The following DLGAP3 variants were observed in gnomAD, a reference collection of about 807,000 sequenced individuals.
DLGAP3 encodes the protein disks large-associated protein 3.
A neutral mutation model predicts 81.2 loss-of-function variants in DLGAP3; 17 were observed. The ratio of observed to expected loss-of-function variants is 0.21; its 90% CI spans 0.14 to 0.31. DLGAP3 has a LOEUF of 0.31. Among genes scored for constraint, DLGAP3 ranks in the 10% least tolerant of loss-of-function variants. The probability of loss-of-function intolerance (pLI) is 1.00; values close to 1 mark genes in which losing one functional copy is unlikely to be tolerated. For missense variants in DLGAP3, 1,124 were observed against 1,388.0 expected, an observed-to-expected ratio of 0.81 and a Z score of 3.02; for synonymous variants, 577 against 587.4, an observed-to-expected ratio of 0.98 and a Z score of 0.26.
intron 8 of DLGAP3, among the ~76,000 whole-genome samples, chr1:34,881,790 T>C (rs1287309811): frequency 1.3e-5 from 2 of 152,170 alleles, no homozygotes; most frequent in Non-Finnish European, 2.9e-5. Context: ...TCTATGATCA[T>C]CTAAATAGAT....
At position 34,885,760 on chromosome 1, in the gene DLGAP3, G is replaced by A; in HGVS notation, c.1632C>T (p.Ile544=). 7.1e-7 allele frequency: 1 copy of A among 1,414,046 alleles called. No individual in the cohort carries two copies. The highest frequency in any genetic ancestry group is 9.2e-7 in the Non-Finnish European group (1 of 1,092,726). 87.6% of individuals were successfully genotyped at this position (1,414,046 alleles called of 1,614,324 possible). A position where few individuals can be genotyped will look rare whatever the true frequency, so the allele number is the denominator to read the frequency against. ...GGGGCGGGGCCTGGCTTCCCGGCGGGATGGGGGGCGGGGCCTTTCTGAAGT... is the reference window on the plus strand; with the variant it reads ...GGGGCGGGGCCTGGCTTCCCGGCGGAATGGGGGGCGGGGCCTTTCTGAAGT... ...SFNFRKAPPP[I]PPGSQAPPRI... is the part of the protein sequence containing the mutation. The change falls in exon 7 of 12, where the codon ATC becomes ATT. Residue 544 remains isoleucine (I), a synonymous_variant. Coordinates refer to ENST00000373347, the MANE Select transcript of DLGAP3 (RefSeq NM_001080418.3).
At chr1:34,921,754 T>C (rs954183586) in intron 1 of DLGAP3, among the ~76,000 whole-genome samples, 8 of 152,174 alleles carry the variant, frequency 5.3e-5, no homozygotes, top group Non-Finnish European at 1.2e-4. Context: ...TATATGGCCA[T>C]AGGTTGTAAT....
At chr1:34,871,580 TAG>T (rs780324164) in intron 8 of DLGAP3, among the ~76,000 whole-genome samples, 22 of 152,216 alleles carry the variant, frequency 1.4e-4, no homozygotes, top group Non-Finnish European at 2.9e-4. Context: ...CTTTGTGCTC[TAG>T]TTAGCTTGTG....
chr1:34,866,034 T>C lies in DLGAP3; in HGVS notation c.*49A>G. ...AGTGACCTCGACGCTGGGTGTACAG[T>C]ACGGGTGGAGAACCGCGGGCCCGGG... On this transcript the variant is annotated 3_prime_UTR_variant, in exon 12 of 12. Transcript: ENST00000373347. The C allele has an allele frequency of 6.7e-7, 1 of 1,501,096 alleles. No homozygotes were observed. The highest frequency in any genetic ancestry group is 9.1e-7 in the Non-Finnish European group (1 of 1,104,770). The allele number at this position is 1,501,096 out of a possible 1,614,324, so 93.0% of individuals were successfully genotyped here. A position where few individuals can be genotyped will look rare whatever the true frequency, so the allele number is the denominator to read the frequency against.
At chr1:34,928,208 C>G (rs976516929) in intron 1 of DLGAP3, among the ~76,000 whole-genome samples, 5 of 152,036 alleles carry the variant, frequency 3.3e-5, no homozygotes, top group African/African-American at 9.7e-5. Flanking sequence ...TGGACTGAAC[C>G]AATAACCCAG....
intron 5 of DLGAP3, among the ~76,000 whole-genome samples, chr1:34,891,415 C>A (rs1276973386): frequency 6.6e-6 from 1 of 152,168 alleles, no homozygotes; most frequent in African/African-American, 2.4e-5. Context: ...TTGGGCCAAA[C>A]AATGGACTGG....
chr1:34,899,985 T>G, intron 4 of DLGAP3, 83 bp downstream of exon 4: 1 of 1,244,072 alleles, frequency 8.0e-7, no homozygotes, highest in East Asian at 2.5e-5. Flanking sequence ...ACTACCTGAC[T>G]GGCACCCACT....
intron 1 of DLGAP3, among the ~76,000 whole-genome samples, chr1:34,921,725 G>T (rs1236062675): frequency 6.6e-6 from 1 of 152,224 alleles, no homozygotes; most frequent in Non-Finnish European, 1.5e-5. Context: ...TGTTAACCCA[G>T]ATGAGTGAGA....
intron 5 of DLGAP3, among the ~76,000 whole-genome samples, chr1:34,891,854 T>G (rs1257840973): frequency 1.3e-5 from 2 of 152,212 alleles, no homozygotes; most frequent in Admixed American, 1.3e-4. Context: ...AGAGGCCACA[T>G]GTTGTAGGGA....
At chr1:34,892,459 G>A (rs1251048827) in intron 5 of DLGAP3, among the ~76,000 whole-genome samples, 1 of 152,164 alleles carries the variant, frequency 6.6e-6, no homozygotes, top group Non-Finnish European at 1.5e-5. Context: ...AATATTTGGA[G>A]AGACAATAGC....
chr1:34,872,232 A>G (rs1638991517), intron 8 of DLGAP3, among the ~76,000 whole-genome samples: 1 of 152,208 alleles, frequency 6.6e-6, no homozygotes, highest in Non-Finnish European at 1.5e-5. Context: ...GGCAGCTAAC[A>G]TGGAAAACGC....
In DLGAP3 at chr1:34,873,482, A is replaced by G. The variant is rs2148394997; in HGVS notation, c.2001-4393T>C. The stretch of plus-strand genomic sequence containing the variant: ...CCCATCTGTAAATGAGAATGATAAT[A>G]GTAGCAGTTCATAAGATTGTTGTGA... On this transcript the variant is annotated intron_variant, in intron 8 of 11. Coordinates refer to ENST00000373347, the MANE Select transcript of DLGAP3 (RefSeq NM_001080418.3). The surrounding 1 kb of genome is among the most constrained non-coding windows in gnomAD (Gnocchi z 4.2). Among the ~76,000 whole-genome samples the G allele has an allele frequency of 6.6e-6, 1 of 152,328 alleles. No homozygotes were observed. The highest frequency in any genetic ancestry group is 2.4e-5 in the African/African-American group (1 of 41,570).
In DLGAP3 at chr1:34,885,587, G is replaced by A. The variant is rs1334962416; in HGVS notation, c.1805C>T (p.Pro602Leu). 6.3e-7 allele frequency: 1 copy of A among 1,594,032 alleles called. No homozygotes were observed. Among genetic ancestry groups the A allele is most frequent in the Non-Finnish European group, 8.5e-7 (1 of 1,175,066 alleles). Reference sequence around the variant, plus strand: ...TGTGGGGGGCTTGGGGCTGGCCCGGGGCGGCACCGGCGCCAACTCCAGTGT... The same window carrying A: ...TGTGGGGGGCTTGGGGCTGGCCCGGAGCGGCACCGGCGCCAACTCCAGTGT... ...ARTLELAPVP[P>L]RASPKPPTLI... The change falls in exon 7 of 12, where the codon CCC becomes CTC. Residue 602 changes from proline to leucine, a missense_variant. Pro to Leu is a moderately conservative substitution (Grantham distance 98). Around this residue, in one of 9 missense-constraint regions of DLGAP3, gnomAD observed 379 missense variants for 455.7 expected, o/e 0.83. Transcript: ENST00000373347.
intron 1 of DLGAP3, among the ~76,000 whole-genome samples, chr1:34,918,549 C>T (rs145129188): frequency 7.9e-5 from 12 of 152,240 alleles, no homozygotes; most frequent in East Asian, 5.8e-4. Flanking sequence ...GGCAGAGGCC[C>T]GGGCAGGGGG....
At chr1:34,879,223 A>G (rs1200488095) in intron 8 of DLGAP3, among the ~76,000 whole-genome samples, 1 of 152,178 alleles carries the variant, frequency 6.6e-6, no homozygotes, top group Non-Finnish European at 1.5e-5. Context: ...TATTCAACTC[A>G]TCATAATGTA....
At chr1:34,910,914 A>G (rs946197253) in intron 1 of DLGAP3, among the ~76,000 whole-genome samples, 26 of 152,194 alleles carry the variant, frequency 1.7e-4, no homozygotes, top group Middle Eastern at 3.2e-3. Flanking sequence ...AATGCTTAGC[A>G]TATGGCAGGC....
Position 34,885,061 on chromosome 1 carries a change from C to T in DLGAP3, c.1917G>A (p.Val639=). The change falls in exon 8 of 12, where the codon GTG becomes GTA. Residue 639 remains valine, a splice_region_variant and synonymous_variant. Coordinates refer to ENST00000373347, the MANE Select transcript of DLGAP3 (RefSeq NM_001080418.3). ...RKWRPSIGVQ[V]ETISDSDTEN... ...CGGTGTCCGAATCTGAGATCGTCTC[C>T]ACCTGGTGGCAGGGTGGAGGAGTCA... is the stretch of plus-strand genomic sequence containing the variant. 3 of 1,613,090 alleles carry T rather than the reference C, an allele frequency of 1.9e-6. No individual in the cohort carries two copies. The highest frequency in any genetic ancestry group is 2.5e-6 in the Non-Finnish European group (3 of 1,179,688).
intron 1 of DLGAP3, among the ~76,000 whole-genome samples, chr1:34,909,169 CCT>C (rs1639603008): frequency 6.6e-6 from 1 of 152,220 alleles, no homozygotes; most frequent in Non-Finnish European, 1.5e-5. Context: ...CCCAGGTGCC[CCT>C]CTGTCTCCTG....
At position 34,900,413 on chromosome 1, in the gene DLGAP3, G is replaced by C. The variant is rs1639440357; in HGVS notation, c.1108-140C>G. 6 of 862,802 alleles carry C rather than the reference G, an allele frequency of 7.0e-6. No individual in the cohort carries two copies. The highest frequency in any genetic ancestry group is 9.5e-6 in the Non-Finnish European group (5 of 528,616). 53.4% of individuals were successfully genotyped at this position (862,802 alleles called of 1,614,324 possible). ...AGGTACATGCAGAGGCAGAAGGGGA[G>C]GTAGGGTCTCAGGCTGTCCCCGTCC... On this transcript the variant is annotated intron_variant, in intron 3 of 11. Transcript: ENST00000373347. This position sits in a 1 kb window ranked among gnomAD's most constrained non-coding sequence, Gnocchi z 5.6.
Sources: gnomAD v4.1 joint callset for allele counts (sites outside exome capture counted in the v4.1 genomes callset) on GRCh38, gnomAD v4.1.1 for gene constraint, gnomAD v4.1.1 regional missense constraint, Gnocchi (gnomAD v3.1) non-coding constraint, MANE v1.5 for transcripts, NCBI Gene and HGNC (gene_info 2026-07-23, HGNC 2026-07-21) for gene names.